The following OTOGL variants were observed in gnomAD, a reference collection of about 807,000 sequenced individuals.
OTOGL encodes the protein otogelin like, also known as otogelin-like protein.
Under a neutral mutation model 318.5 loss-of-function variants are expected in OTOGL, and 285 were observed. The ratio of observed to expected loss-of-function variants is 0.89; its 90% CI spans 0.81 to 0.99. The LOEUF (loss-of-function observed/expected upper bound fraction) is 0.99. OTOGL is among the 50% of genes least tolerant of loss of function. OTOGL has a pLI of 0.00. For synonymous variants in OTOGL, 987 were observed against 936.5 expected (o/e 1.05, Z -0.99); for missense variants, 2,899 against 2,845.6 (o/e 1.02, Z -0.43).
chr12:80,181,141 G>A (rs552582832), intron 1 of OTOGL, among the ~76,000 whole-genome samples: 1 of 152,170 alleles, frequency 6.6e-6, no homozygotes, highest in Non-Finnish European at 1.5e-5. Context: ...CATTTCAGCA[G>A]ATATTACAAT....
chr12:80,302,381 C>A (rs1484467778), intron 27 of OTOGL, among the ~76,000 whole-genome samples: 1 of 152,214 alleles, frequency 6.6e-6, no homozygotes, highest in Non-Finnish European at 1.5e-5. Context: ...CCACATGTAA[C>A]TGAAATATCT....
chr12:80,165,655 C>T (rs536038669), intron 1 of OTOGL, among the ~76,000 whole-genome samples: 286 of 152,334 alleles, frequency 1.9e-3, no homozygotes, highest in African/African-American at 6.5e-3. Flanking sequence ...TCCTGCCCTG[C>T]GGGCCTGAGG....
chr12:80,134,420 T>C (rs1459795944), intron 1 of OTOGL, among the ~76,000 whole-genome samples: 2 of 152,236 alleles, frequency 1.3e-5, no homozygotes, highest in Non-Finnish European at 1.5e-5. Flanking sequence ...ACTTGTCAGA[T>C]TCAGCCCTGA....
intron 1 of OTOGL, among the ~76,000 whole-genome samples, chr12:80,205,580 G>C (rs536931213): frequency 2.1e-4 from 32 of 152,248 alleles, no homozygotes; most frequent in Admixed American, 3.9e-4. Context: ...AAACTATCTT[G>C]TAATAAGACA....
intron 1 of OTOGL, among the ~76,000 whole-genome samples, chr12:80,171,445 A>G (rs939274521): frequency 2.0e-5 from 3 of 152,150 alleles, no homozygotes; most frequent in Admixed American, 2.0e-4. Context: ...CATTTGTTGA[A>G]AAGAACAGCA....
chr12:80,165,434 G>C (rs1873772048), intron 1 of OTOGL, among the ~76,000 whole-genome samples: 1 of 152,208 alleles, frequency 6.6e-6, no homozygotes, highest in African/African-American at 2.4e-5. Context: ...AGAGATATAT[G>C]ACAAAGGTTT....
At position 80,302,673 on chromosome 12, in the gene OTOGL, C is replaced by T. The variant is rs886044647; in HGVS notation, c.3103C>T (p.Gln1035Ter). ...TTTTCTGGAAAACAAATCTACCTAC[C>T]AGCTTTGGAAGGCTGGTTACTATAT... is the stretch of plus-strand genomic sequence containing the variant. Reference protein sequence around the residue: ...GFFLENKSTYQLWKAGYYIVV... With the variant: ...GFFLENKSTY The change falls in exon 28 of 59, where the codon CAG (glutamine) becomes TAG (stop). Residue 1035 changes from glutamine to a stop codon, truncating the protein, a stop_gained. Transcript: ENST00000547103. LOFTEE classifies it high-confidence loss of function. The T allele has an allele frequency of 2.8e-6, 4 of 1,406,596 alleles. No homozygotes were observed. Among genetic ancestry groups the T allele is most frequent in the Non-Finnish European group, 3.7e-6 (4 of 1,078,308 alleles). The allele number at this position is 1,406,596 out of a possible 1,614,324, so 87.1% of individuals were successfully genotyped here.
In OTOGL at chr12:80,197,101, T is replaced by C. The variant is rs549103233; in HGVS notation, c.-19-12312T>C. On this transcript the variant is annotated intron_variant, in intron 1 of 58. Transcript: ENST00000547103. ...TAATCTGGGCATTCCTTTCTATTGA[T>C]AATAACTCTTTCAGCCAATTGCCAA... Among the ~76,000 whole-genome samples, 135 of 152,326 alleles carry C rather than the reference T, an allele frequency of 8.9e-4. 1 individual carries two copies. Among genetic ancestry groups the C allele is most frequent in the Non-Finnish European group, 1.7e-3 (116 of 68,022 alleles).
intron 1 of OTOGL, among the ~76,000 whole-genome samples, chr12:80,174,321 G>A (rs1460623559): frequency 6.6e-6 from 1 of 152,146 alleles, no homozygotes; most frequent in African/African-American, 2.4e-5. Flanking sequence ...CTAATAACAG[G>A]TGTACCATAG....
rs573809424 is a variant in OTOGL at position 80,125,075 on chromosome 12, T to C, written c.-20+25470T>C. Among the ~76,000 whole-genome samples, 6 of 152,334 alleles carry C rather than the reference T, an allele frequency of 3.9e-5. No individual in the cohort carries two copies. In the South Asian group the frequency reaches 1.0e-3, roughly 26 times the overall value. On this transcript the variant is annotated intron_variant, in intron 1 of 58. Transcript: ENST00000547103. ...CCCTGGCCAGACTTCCAATAGTATA[T>C]TGAATAGGAGTGGTGAGGGAGGGCA...
At chr12:80,126,964 C>T (rs1565869796) in intron 1 of OTOGL, among the ~76,000 whole-genome samples, 1 of 152,158 alleles carries the variant, frequency 6.6e-6, no homozygotes, top group African/African-American at 2.4e-5. Flanking sequence ...TTCCTGAATA[C>T]AGCACACTGA....
intron 1 of OTOGL, among the ~76,000 whole-genome samples, chr12:80,159,585 TG>T (rs1320550236): frequency 1.3e-5 from 2 of 152,062 alleles, no homozygotes; most frequent in African/African-American, 4.8e-5. Flanking sequence ...AAAACACTGC[TG>T]AAAGAAATCA....
chr12:80,372,138 C>T (rs1050647728), intron 57 of OTOGL, 74 bp downstream of exon 57: 10 of 1,067,786 alleles, frequency 9.4e-6, no homozygotes, highest in Admixed American at 3.1e-5. Context: ...TGGTTTTTCT[C>T]ACAAAATTCA....
At chr12:80,337,208 C>T (rs952466032) in intron 42 of OTOGL, among the ~76,000 whole-genome samples, 1 of 151,822 alleles carries the variant, frequency 6.6e-6, no homozygotes, top group African/African-American at 2.4e-5. Flanking sequence ...ATATTTTCCC[C>T]TGTGAGGTTA....
intron 1 of OTOGL, among the ~76,000 whole-genome samples, chr12:80,148,748 C>G (rs1392454294): frequency 1.3e-5 from 2 of 152,164 alleles, no homozygotes; most frequent in Non-Finnish European, 2.9e-5. Context: ...AGGCTTTGCT[C>G]ATTTGTTTTT....
intron 1 of OTOGL, among the ~76,000 whole-genome samples, chr12:80,107,143 C>T (rs895881024): frequency 1.3e-5 from 2 of 152,084 alleles, no homozygotes; most frequent in Non-Finnish European, 1.5e-5. Context: ...TATTAGTTTC[C>T]TATTTCTGCT....
At chr12:80,368,069 T>G (rs1195670241) in intron 54 of OTOGL, 136 bp from the exon 55 acceptor site, 3 of 652,678 alleles carry the variant, frequency 4.6e-6, no homozygotes, top group Non-Finnish European at 7.7e-6. Flanking sequence ...TATTGGAAGC[T>G]TCTCATATTC....
At position 80,296,836 on chromosome 12, in the gene OTOGL, GA is replaced by G. The variant is rs1439667525; in HGVS notation, c.2939del (p.Asp980ValfsTer25). On this transcript the variant is annotated frameshift_variant, in exon 27 of 59. Transcript: ENST00000547103. LOFTEE classifies it high-confidence loss of function. The stretch of plus-strand genomic sequence containing the variant: ...ATTTGTGACATTTCAGAGTGCAGAT[GA>G]TTCAGATATATCTGTCATTGCCCAG... ...CQVFLIKSAD[D>X]SDISVIAQNK... The G allele has an allele frequency of 2.0e-6, 3 of 1,496,488 alleles. No homozygotes were observed. In the East Asian group the frequency reaches 7.4e-5, roughly 37 times the overall value. 92.7% of individuals were successfully genotyped at this position (1,496,488 alleles called of 1,614,324 possible). A position where few individuals can be genotyped will look rare whatever the true frequency, so the allele number is the denominator to read the frequency against.
intron 1 of OTOGL, among the ~76,000 whole-genome samples, chr12:80,155,618 A>G (rs1404301035): frequency 1.3e-5 from 2 of 152,348 alleles, no homozygotes; most frequent in African/African-American, 4.8e-5. Context: ...TGTGTTACAA[A>G]CAATCTAATT....
Sources: gnomAD v4.1 joint callset for allele counts (sites outside exome capture counted in the v4.1 genomes callset) on GRCh38, gnomAD v4.1.1 for gene constraint, MANE v1.5 for transcripts, NCBI Gene and HGNC (gene_info 2026-07-23, HGNC 2026-07-21) for gene names.